The following WWOX variants were observed in gnomAD, a reference collection of about 807,000 sequenced individuals.
The protein encoded by WWOX is WW domain-containing oxidoreductase.
In WWOX, 69 loss-of-function variants were observed where a neutral mutation model predicts 46.2. The observed-to-expected ratio is 1.49, with a 90% CI of 1.23 to 1.82. The LOEUF (loss-of-function observed/expected upper bound fraction) is 1.82, where lower values mean the gene tolerates loss of function less well. Ranked by LOEUF, WWOX falls within the 40% of genes most tolerant of loss-of-function variation. WWOX has a pLI of 0.00. For synonymous variants in WWOX, 359 were observed against 202.6 expected, an observed-to-expected ratio of 1.77 and a Z score of -6.56; for missense variants, 919 against 542.6, an observed-to-expected ratio of 1.69 and a Z score of -6.89.
intron 5 of WWOX, among the ~76,000 whole-genome samples, chr16:78,280,030 G>C (rs536405292): frequency 2.0e-5 from 3 of 152,346 alleles, no homozygotes; most frequent in African/African-American, 7.2e-5. Flanking sequence ...AAATCACTCT[G>C]TTCTCACCAG....
intron 8 of WWOX, among the ~76,000 whole-genome samples, chr16:78,823,248 C>G (rs980499988): frequency 6.6e-6 from 1 of 152,210 alleles, no homozygotes; most frequent in Non-Finnish European, 1.5e-5. Flanking sequence ...CTTAATGATG[C>G]TGGCAGATGT....
chr16:78,901,531 A>G (rs972983186), intron 8 of WWOX, among the ~76,000 whole-genome samples: 35 of 152,270 alleles, frequency 2.3e-4, no homozygotes, highest in African/African-American at 8.2e-4. Flanking sequence ...TCTGTTGCCC[A>G]GGCTCGAGTA....
intron 8 of WWOX, among the ~76,000 whole-genome samples, chr16:78,488,873 G>A (rs2084707372): frequency 1.3e-5 from 2 of 152,108 alleles, no homozygotes; most frequent in African/African-American, 2.4e-5. Context: ...CTCAGAGTAG[G>A]CTTTCAGTGG....
At chr16:78,947,751 A>C (rs887404195) in intron 8 of WWOX, among the ~76,000 whole-genome samples, 3 of 152,214 alleles carry the variant, frequency 2.0e-5, no homozygotes, top group Admixed American at 1.3e-4. Context: ...TGCTATTTAT[A>C]ACCATTTTCA....
intron 8 of WWOX, among the ~76,000 whole-genome samples, chr16:78,645,863 A>C (rs1015966763): frequency 2.0e-5 from 3 of 151,726 alleles, no homozygotes; most frequent in African/African-American, 4.8e-5. Flanking sequence ...TTCTGGGGAG[A>C]ATTTGTTCTG....
chr16:78,880,446 T>C (rs1265431712), intron 8 of WWOX, among the ~76,000 whole-genome samples: 1 of 152,202 alleles, frequency 6.6e-6, no homozygotes, highest in East Asian at 1.9e-4. Flanking sequence ...TATACGAAAG[T>C]ATATAGCTGC....
chr16:78,265,080 A>G (rs1171326204), intron 5 of WWOX, among the ~76,000 whole-genome samples: 1 of 134,250 alleles, frequency 7.4e-6, no homozygotes, highest in Non-Finnish European at 1.6e-5. Context: ...AGCTCACTCC[A>G]ACCTCTGCCT....
intron 8 of WWOX, among the ~76,000 whole-genome samples, chr16:78,710,649 C>G (rs987838314): frequency 4.7e-5 from 7 of 150,458 alleles, no homozygotes; most frequent in Admixed American, 2.0e-4. Context: ...GGGTCTTGCT[C>G]TGTCACTCAG....
At chr16:78,359,105 CCATA>C (rs1409695782) in intron 5 of WWOX, among the ~76,000 whole-genome samples, 1 of 151,988 alleles carries the variant, frequency 6.6e-6, no homozygotes, top group Non-Finnish European at 1.5e-5. Context: ...AAGCTTCTTC[CCATA>C]TATACTCTTT....
rs2080974235 is a variant in WWOX at position 78,339,915 on chromosome 16, C to T, written c.517-46945C>T. The stretch of plus-strand genomic sequence containing the variant: ...TCAAGAGAATTTTAGGTATTCAGAT[C>T]CTAGACCTCCCAGATGGCCTCATAA... On this transcript the variant is annotated intron_variant, in intron 5 of 8. Transcript: ENST00000566780. Among the ~76,000 whole-genome samples the T allele has an allele frequency of 1.8e-5, 2 of 109,172 alleles. 1 individual carries two copies. The highest frequency in any genetic ancestry group is 6.2e-5 in the African/African-American group (2 of 32,018). 71.6% of individuals were successfully genotyped at this position (109,172 alleles called of 152,430 possible).
intron 8 of WWOX, among the ~76,000 whole-genome samples, chr16:78,904,308 G>T (rs974272964): frequency 1.4e-5 from 2 of 147,312 alleles, no homozygotes; most frequent in African/African-American, 5.1e-5. Flanking sequence ...GCATGATCTC[G>T]GCTCACTGCA....
intron 8 of WWOX, among the ~76,000 whole-genome samples, chr16:78,762,426 C>T (rs752922213): frequency 1.3e-5 from 2 of 152,280 alleles, no homozygotes; most frequent in Middle Eastern, 3.4e-3. Flanking sequence ...GAACTGCTCA[C>T]CGCCCCCACT....
intron 8 of WWOX, among the ~76,000 whole-genome samples, chr16:78,816,387 C>G (rs1255752471): frequency 1.3e-5 from 2 of 150,672 alleles, no homozygotes; most frequent in African/African-American, 4.9e-5. Flanking sequence ...AGTATTTGTG[C>G]TTTTAATAGA....
chr16:78,573,308 CA>C (rs1217739983), intron 8 of WWOX, among the ~76,000 whole-genome samples: 14 of 151,986 alleles, frequency 9.2e-5, no homozygotes, highest in Non-Finnish European at 1.9e-4. Context: ...CAAAACAAAA[CA>C]AAAAAGGTTT....
At chr16:79,101,271 A>G (rs1242710065) in intron 8 of WWOX, 2 of 152,208 alleles carry the variant, frequency 1.3e-5, no homozygotes, top group Non-Finnish European at 2.9e-5. Context: ...GAATGTTTTG[A>G]AATGAGCTTG....
intron 5 of WWOX, among the ~76,000 whole-genome samples, chr16:78,286,096 A>C (rs1478421209): frequency 6.6e-6 from 1 of 152,222 alleles, no homozygotes; most frequent in East Asian, 1.9e-4. Flanking sequence ...ATTTAAAAAA[A>C]TCTGCTAACG....
At chr16:78,613,794 G>A (rs2045955686) in intron 8 of WWOX, among the ~76,000 whole-genome samples, 1 of 152,176 alleles carries the variant, frequency 6.6e-6, no homozygotes, top group African/African-American at 2.4e-5. Context: ...TTGGGGGCCG[G>A]ATGTGTTTCA....
intron 8 of WWOX, among the ~76,000 whole-genome samples, chr16:79,134,448 G>T (rs1411430966): frequency 6.6e-6 from 1 of 152,200 alleles, no homozygotes; most frequent in Non-Finnish European, 1.5e-5. Context: ...ACAGGGTCCT[G>T]TTGGAGGGAG....
chr16:78,247,681 TG>T (rs2037855183), intron 5 of WWOX, among the ~76,000 whole-genome samples: 1 of 152,196 alleles, frequency 6.6e-6, no homozygotes, highest in African/African-American at 2.4e-5. Flanking sequence ...TCTCTGGCCT[TG>T]GGGCAGGTCA....
Sources: allele counts gnomAD v4.1 joint callset (sites outside exome capture counted in the v4.1 genomes callset), GRCh38; gene constraint gnomAD v4.1.1; transcripts MANE v1.5; gene names NCBI Gene and HGNC (gene_info 2026-07-23, HGNC 2026-07-21).